TNIK: variants seen among roughly 807,000 people sequenced by gnomAD.
TNIK encodes the protein TRAF2 and NCK interacting kinase.
In TNIK, 49 loss-of-function variants were observed where a neutral mutation model predicts 191.3. The observed-to-expected ratio is 0.26, with a 90% confidence interval of 0.20 to 0.32. TNIK has a LOEUF of 0.32. Among genes scored for constraint, TNIK ranks in the 10% least tolerant of loss-of-function variants. The probability of loss-of-function intolerance (pLI) is 1.00; values close to 1 mark genes in which losing one functional copy is unlikely to be tolerated. For synonymous variants in TNIK, 594 were observed against 600.9 expected (o/e 0.99, Z 0.17); for missense variants, 1,155 against 1,702.3 (o/e 0.68, Z 5.66).
At chr3:171,448,635 T>C (rs1727804793) in intron 1 of TNIK, among the ~76,000 whole-genome samples, 1 of 150,244 alleles carries the variant, frequency 6.7e-6, no homozygotes, top group African/African-American at 2.5e-5. Flanking sequence ...AGGAGTGAAA[T>C]TCCTGGGTCA....
At chr3:171,404,543 C>T (rs557925063) in intron 1 of TNIK, among the ~76,000 whole-genome samples, 19 of 151,306 alleles carry the variant, frequency 1.3e-4, no homozygotes, top group East Asian at 9.7e-4. Flanking sequence ...TTTTTTTAAC[C>T]GAGCTAGAGA....
At chr3:171,298,649 G>A (rs1752573344) in intron 2 of TNIK, among the ~76,000 whole-genome samples, 1 of 152,182 alleles carries the variant, frequency 6.6e-6, no homozygotes, top group Non-Finnish European at 1.5e-5. Context: ...TAGTGAAACT[G>A]CTGCCATGGG....
Position 171,063,609 on chromosome 3 carries a change from C to T in TNIK, c.*272G>A, listed in dbSNP as rs894653192. 3 of 338,726 alleles carry T rather than the reference C, an allele frequency of 8.9e-6. No individual in the cohort carries two copies. The highest frequency in any genetic ancestry group is 9.1e-5 in the Admixed American group (2 of 21,860). The allele number at this position is 338,726 out of a possible 1,614,324, so 21.0% of individuals were successfully genotyped here. ...ACAATATTTGTTTCTATCCCTAATT[C>T]CGAAGGGCACATGGTCCATCTTTGT... is the stretch of plus-strand genomic sequence containing the variant. On this transcript the variant is annotated 3_prime_UTR_variant, in exon 33 of 33. Transcript: ENST00000436636.
At chr3:171,416,872 C>A (rs985721474) in intron 1 of TNIK, among the ~76,000 whole-genome samples, 1 of 152,166 alleles carries the variant, frequency 6.6e-6, no homozygotes, top group Non-Finnish European at 1.5e-5. Context: ...TTATTAAATG[C>A]TGCTTCAGCC....
rs1294056007 is a variant in TNIK, at chr3:171,059,543, G to T, written c.*4338C>A. The stretch of plus-strand genomic sequence containing the variant: ...AATGTTTGGTAGGAATATACAAATT[G>T]TCAGTTTTGAACTTGCAAATTCTCA... On this transcript the variant is annotated 3_prime_UTR_variant, in exon 33 of 33. Coordinates refer to ENST00000436636, the MANE Select transcript of TNIK (RefSeq NM_015028.4). 6.6e-6 allele frequency among the ~76,000 whole-genome samples: 1 copy of T among 152,158 alleles called. No homozygotes were observed. The highest frequency in any genetic ancestry group is 6.5e-5 in the Admixed American group (1 of 15,274).
chr3:171,174,395 C>T (rs993275735), intron 9 of TNIK, among the ~76,000 whole-genome samples: 6 of 152,080 alleles, frequency 3.9e-5, no homozygotes, highest in Non-Finnish European at 7.4e-5. Flanking sequence ...ACAAATAGTG[C>T]AGGAATTGAC....
At chr3:171,368,823 A>C (rs1716095547) in intron 2 of TNIK, among the ~76,000 whole-genome samples, 1 of 152,130 alleles carries the variant, frequency 6.6e-6, no homozygotes, top group African/African-American at 2.4e-5. Context: ...AAAATGATGG[A>C]TATTTCCCTA....
chr3:171,269,119 A>C (rs1748767293), intron 2 of TNIK, among the ~76,000 whole-genome samples: 1 of 152,264 alleles, frequency 6.6e-6, no homozygotes, highest in Non-Finnish European at 1.5e-5. Context: ...TTTGTAATTA[A>C]AAGTACAAAA....
chr3:171,430,729 T>C (rs968876632), intron 1 of TNIK, among the ~76,000 whole-genome samples: 3 of 151,760 alleles, frequency 2.0e-5, no homozygotes, highest in Admixed American at 2.0e-4. Flanking sequence ...ATTAAATGAA[T>C]AACAAAAATA....
chr3:171,374,895 C>T (rs1257292700), intron 1 of TNIK, among the ~76,000 whole-genome samples: 2 of 152,174 alleles, frequency 1.3e-5, no homozygotes, highest in Non-Finnish European at 2.9e-5. Context: ...CTTTGTTTTA[C>T]AGATTAGGAA....
chr3:171,276,479 A>C (rs1749764748), intron 2 of TNIK, among the ~76,000 whole-genome samples: 1 of 152,230 alleles, frequency 6.6e-6, no homozygotes, highest in Non-Finnish European at 1.5e-5. Flanking sequence ...CAAAAGCATA[A>C]GGGAAAATGG....
At chr3:171,288,284 A>G (rs1751259549) in intron 2 of TNIK, among the ~76,000 whole-genome samples, 1 of 151,330 alleles carries the variant, frequency 6.6e-6, no homozygotes, top group East Asian at 1.9e-4. Flanking sequence ...TAACCTGCAC[A>G]ATGTGCACAT....
intron 2 of TNIK, among the ~76,000 whole-genome samples, chr3:171,231,508 A>C (rs1235236476): frequency 6.6e-6 from 1 of 152,088 alleles, no homozygotes; most frequent in African/African-American, 2.4e-5. Context: ...GAGGTGGAAC[A>C]ATTAGCAGCC....
intron 2 of TNIK, among the ~76,000 whole-genome samples, chr3:171,292,701 G>A (rs1482679283): frequency 8.1e-5 from 12 of 147,612 alleles, no homozygotes; most frequent in Admixed American, 2.8e-4. Flanking sequence ...ATGTGAACCC[G>A]GGAAGCGGAG....
At chr3:171,142,330 C>T (rs1379687378) in intron 12 of TNIK, among the ~76,000 whole-genome samples, 1 of 152,158 alleles carries the variant, frequency 6.6e-6, no homozygotes, top group African/African-American at 2.4e-5. Flanking sequence ...AATGATAGGG[C>T]ATCGATGATT....
At chr3:171,448,055 T>C (rs1023636624) in intron 1 of TNIK, among the ~76,000 whole-genome samples, 1 of 152,152 alleles carries the variant, frequency 6.6e-6, no homozygotes, top group Non-Finnish European at 1.5e-5. Flanking sequence ...TACTTTAAAA[T>C]AATATGGGGG....
At chr3:171,355,901 C>T (rs1713985643) in intron 2 of TNIK, among the ~76,000 whole-genome samples, 1 of 152,118 alleles carries the variant, frequency 6.6e-6, no homozygotes, top group African/African-American at 2.4e-5. Context: ...CAACCCCAAA[C>T]ACACAAACCT....
At chr3:171,141,191 CAGTGGA>C (rs879884977) in intron 12 of TNIK, among the ~76,000 whole-genome samples, 8,824 of 152,330 alleles carry the variant, frequency 0.058, 311 homozygotes, top group Middle Eastern at 0.13. Flanking sequence ...ATGCCTCCAA[CAGTGGA>C]CAGTGTGATA....
chr3:171,325,501 TATA>T (rs1318816319), intron 2 of TNIK, among the ~76,000 whole-genome samples: 1 of 152,196 alleles, frequency 6.6e-6, no homozygotes, highest in Non-Finnish European at 1.5e-5. Context: ...GGAACATACT[TATA>T]ATGAGTATAA....
Sources: gnomAD v4.1 joint callset for allele counts (sites outside exome capture counted in the v4.1 genomes callset) on GRCh38, gnomAD v4.1.1 for gene constraint, MANE v1.5 for transcripts, NCBI Gene and HGNC (gene_info 2026-07-23, HGNC 2026-07-21) for gene names.